SLC16A1: variants seen among roughly 807,000 people sequenced by gnomAD.
SLC16A1 encodes solute carrier family 16 member 1.
SLC16A1 carries 11 observed loss-of-function variants against 32.2 expected under a neutral mutation model. That is an observed-to-expected ratio of 0.34 (90% CI 0.21 to 0.56). The LOEUF (loss-of-function observed/expected upper bound fraction) is 0.56. Among genes scored for constraint, SLC16A1 ranks in the 20% least tolerant of loss-of-function variants. SLC16A1 has a pLI of 0.87. For missense variants in SLC16A1, 435 were observed against 615.0 expected, an observed-to-expected ratio of 0.71 and a Z score of 3.10; for synonymous variants, 231 against 226.8, an observed-to-expected ratio of 1.02 and a Z score of -0.17.
At chr1:112,925,751 A>G (rs989296031) in intron 2 of SLC16A1, among the ~76,000 whole-genome samples, 2 of 152,256 alleles carry the variant, frequency 1.3e-5, no homozygotes, top group African/African-American at 4.8e-5. Context: ...CTTAATTACA[A>G]GAAAGTCTTA....
intron 1 of SLC16A1, among the ~76,000 whole-genome samples, 197 bp from the exon 2 acceptor site, chr1:112,929,549 A>C (rs930244735): frequency 5.9e-5 from 9 of 152,018 alleles, no homozygotes; most frequent in African/African-American, 1.9e-4. Context: ...TGTCTAAGAA[A>C]ATTTTTAAAA....
At chr1:112,930,282 C>T (rs766981532) in intron 1 of SLC16A1, among the ~76,000 whole-genome samples, 3 of 152,054 alleles carry the variant, frequency 2.0e-5, no homozygotes, top group Non-Finnish European at 2.9e-5. Context: ...AATTGAATTA[C>T]GGGACACCCA....
chr1:112,947,956 C>T (rs111749379), intron 1 of SLC16A1, among the ~76,000 whole-genome samples: 2 of 152,120 alleles, frequency 1.3e-5, no homozygotes, highest in South Asian at 2.1e-4. Context: ...TGGTGGCTCA[C>T]GCTTGTAATC....
Position 112,930,782 on chromosome 1 carries a change from T to C in SLC16A1, c.-44-1430A>G, listed in dbSNP as rs912295665. Among the ~76,000 whole-genome samples the C allele has an allele frequency of 2.0e-5, 3 of 148,554 alleles. No homozygotes were observed. In the Admixed American group the frequency reaches 2.1e-4, roughly 10 times the overall value. On this transcript the variant is annotated intron_variant, in intron 1 of 4. Transcript: ENST00000369626. The stretch of plus-strand genomic sequence containing the variant: ...CTCTGTCGCCCGGGCTGGAGTGCAA[T>C]AGCAAGATCTTGGCTCACTACAACC...
intron 2 of SLC16A1, chr1:112,923,474 C>G: frequency 1.3e-6 from 1 of 790,332 alleles, no homozygotes; most frequent in Admixed American, 1.9e-5. Flanking sequence ...GCGCCGTAGT[C>G]ACCCGCGCCT....
rs149819428 is a variant in SLC16A1 at position 112,950,959 on chromosome 1, T to C, written c.-45+5076A>G. On this transcript the variant is annotated intron_variant, in intron 1 of 4. Coordinates refer to ENST00000369626, the MANE Select transcript of SLC16A1 (RefSeq NM_003051.4). ...CTGCAGTGAACCATGATGGTTTCAC[T>C]GTACTCCAGCCTGGGCGACAGAGTG... 5.6e-3 allele frequency among the ~76,000 whole-genome samples: 846 copies of C among 152,278 alleles called. 10 individuals are homozygous for C. Among genetic ancestry groups the C allele is most frequent in the African/African-American group, 0.019 (797 of 41,562 alleles).
Position 112,912,818 on chromosome 1 carries a change from AC to A in SLC16A1, c.*1072del, listed in dbSNP as rs1648367919. 1 of 151,802 alleles carries A rather than the reference AC, an allele frequency of 6.6e-6. No homozygotes were observed. Among genetic ancestry groups the A allele is most frequent in the South Asian group, 2.1e-4 (1 of 4,820 alleles). 9.4% of individuals were successfully genotyped at this position (151,802 alleles called of 1,614,324 possible). ...ATTTGCAAACCTTAAAAAAAAAAAA[AC>A]AAAAAAACAAAAACACCAAACACAC... is the stretch of plus-strand genomic sequence containing the variant. On this transcript the variant is annotated 3_prime_UTR_variant, in exon 5 of 5. Transcript: ENST00000369626.
chr1:112,924,212 C>T, intron 2 of SLC16A1: 2 of 1,518,396 alleles, frequency 1.3e-6, no homozygotes, highest in Non-Finnish European at 1.8e-6. Context: ...TCATCCTGGG[C>T]ATGTCCAGCT....
chr1:112,952,068 C>A (rs560757751), intron 1 of SLC16A1, among the ~76,000 whole-genome samples: 1 of 152,158 alleles, frequency 6.6e-6, no homozygotes. Flanking sequence ...GTCCTCTCCC[C>A]CAACACTCCC....
chr1:112,934,966 C>A (rs1382324510), intron 1 of SLC16A1, among the ~76,000 whole-genome samples: 4 of 152,108 alleles, frequency 2.6e-5, no homozygotes, highest in African/African-American at 9.7e-5. Flanking sequence ...CACTCAGGAA[C>A]TATAGGCATA....
Position 112,917,942 on chromosome 1 carries a change from G to A in SLC16A1, c.464C>T (p.Pro155Leu). ...GGGGGCCAGAGTACAGAGGAACACAGGGCTGCCTGCCATGGCCAGTCCGTT... is the reference window on the plus strand; with the variant it reads ...GGGGGCCAGAGTACAGAGGAACACAAGGCTGCCTGCCATGGCCAGTCCGTT... ...LANGLAMAGSPVFLCTLAPLN... is the reference protein window; with the variant it reads ...LANGLAMAGSLVFLCTLAPLN... The change falls in exon 4 of 5, where the codon CCT (proline) becomes CTT (leucine). Residue 155 changes from proline (P) to leucine (L), a missense_variant. Pro to Leu is a moderately conservative substitution (Grantham distance 98). This residue lies in a region of SLC16A1 where 324 missense variants were observed against 500.3 expected (regional missense o/e 0.65). Coordinates refer to ENST00000369626, the MANE Select transcript of SLC16A1 (RefSeq NM_003051.4). The surrounding 1 kb of genome is among the most constrained non-coding windows in gnomAD (Gnocchi z 4.1). 1 of 1,593,848 alleles carries A rather than the reference G, an allele frequency of 6.3e-7. No homozygotes were observed. Among genetic ancestry groups the A allele is most frequent in the Non-Finnish European group, 8.5e-7 (1 of 1,174,270 alleles).
At chr1:112,943,854 C>T (rs1382164203) in intron 1 of SLC16A1, among the ~76,000 whole-genome samples, 1 of 149,834 alleles carries the variant, frequency 6.7e-6, no homozygotes, top group Non-Finnish European at 1.5e-5. Context: ...ACAACTGTAT[C>T]ATCATTTTTA....
At chr1:112,923,883 G>T in intron 2 of SLC16A1, 1 of 1,522,752 alleles carries the variant, frequency 6.6e-7, no homozygotes, top group Non-Finnish European at 9.1e-7. Flanking sequence ...CACCCAGCAG[G>T]TGAAAACGGA....
chr1:112,928,928 T>C, intron 2 of SLC16A1, 164 bp downstream of exon 2: 4 of 628,394 alleles, frequency 6.4e-6, no homozygotes, highest in South Asian at 2.0e-5. Context: ...AGAGTTGCTA[T>C]TGTTATCAGG....
Position 112,917,865 on chromosome 1 carries a change from G to C in SLC16A1, c.541C>G (p.Leu181Val), listed in dbSNP as rs866320665. Residue 181 changes from leucine (L) to valine (V), a missense_variant, in exon 4 of 5, where the codon CTT (leucine) becomes GTT (valine). Coordinates refer to ENST00000369626, the MANE Select transcript of SLC16A1 (RefSeq NM_003051.4). This position sits in a 1 kb window ranked among gnomAD's most constrained non-coding sequence, Gnocchi z 4.1. ...IFGWRGSFLI[L>V]GGLLLNCCVA... ...CAGCAGTTTAGTAGCAAGCCCCCAA[G>C]AATTAGAAAGCTTCCTCTCCATCCA... 7 of 1,612,126 alleles carry C rather than the reference G, an allele frequency of 4.3e-6. No individual in the cohort carries two copies. The highest frequency in any genetic ancestry group is 4.0e-5 in the African/African-American group (3 of 74,692).
chr1:112,931,804 C>T (rs944244346), intron 1 of SLC16A1, among the ~76,000 whole-genome samples: 2 of 151,812 alleles, frequency 1.3e-5, no homozygotes, highest in African/African-American at 2.4e-5. Flanking sequence ...TGGGAGTGAG[C>T]GTTTGGTGGT....
intron 1 of SLC16A1, among the ~76,000 whole-genome samples, chr1:112,939,874 C>T (rs988032253): frequency 6.6e-6 from 1 of 151,998 alleles, no homozygotes; most frequent in African/African-American, 2.4e-5. Flanking sequence ...CAGCCTCATA[C>T]TCCCTCCACT....
intron 4 of SLC16A1, 146 bp from the exon 5 acceptor site, chr1:112,914,311 G>T (rs575168906): frequency 4.1e-4 from 333 of 811,938 alleles, no homozygotes; most frequent in Non-Finnish European, 5.9e-4. Context: ...AGGAATTGCT[G>T]AAAATTAGCT....
At chr1:112,929,480 G>A (rs1649051709) in intron 1 of SLC16A1, 128 bp from the exon 2 acceptor site, 2 of 646,592 alleles carry the variant, frequency 3.1e-6, no homozygotes, top group Non-Finnish European at 5.5e-6. Context: ...TTGGGAGGTT[G>A]AGGCAGGAGG....
Sources: allele counts gnomAD v4.1 joint callset (sites outside exome capture counted in the v4.1 genomes callset), GRCh38; gene constraint gnomAD v4.1.1; regional missense constraint gnomAD v4.1.1; non-coding constraint Gnocchi (gnomAD v3.1); transcripts MANE v1.5; gene names NCBI Gene and HGNC (gene_info 2026-07-23, HGNC 2026-07-21).